Variants in LRRC27 observed in about 807,000 individuals in gnomAD.
The protein encoded by LRRC27 is leucine-rich repeat-containing protein 27.
In LRRC27, 57 loss-of-function variants were observed where a neutral mutation model predicts 55.0. That is an observed-to-expected ratio of 1.04 (90% CI 0.84 to 1.29). LRRC27 has a LOEUF of 1.29. Ranked by LOEUF, LRRC27 falls within the 50% of genes most tolerant of loss-of-function variation. The pLI is 0.00. For missense variants in LRRC27, 721 were observed against 651.5 expected, an observed-to-expected ratio of 1.11 and a Z score of -1.16; for synonymous variants, 278 against 251.9, an observed-to-expected ratio of 1.10 and a Z score of -0.98.
chr10:132,347,881 G>A (rs2067797595), intron 5 of LRRC27, 103 bp from the exon 6 acceptor site: 1 of 1,412,002 alleles, frequency 7.1e-7, no homozygotes, highest in African/African-American at 1.4e-5. Context: ...TGGAGGATCT[G>A]GGCACCCCAC....
Position 132,364,536 on chromosome 10 carries a change from TAAATCTACCTCC to T in LRRC27, c.1290-886_1290-875del, listed in dbSNP as rs1424970811. ...CCACACTCGCACTTACACCCACACTTAAATCTACCTCCACACCCACACTTACACCCACGTCCA... is the reference window on the plus strand; with the variant it reads ...CCACACTCGCACTTACACCCACACTTACACCCACACTTACACCCACGTCCA... On this transcript the variant is annotated intron_variant, in intron 9 of 10. Transcript: ENST00000368614. Among the ~76,000 whole-genome samples the T allele has an allele frequency of 2.2e-3, 32 of 14,720 alleles. 4 individuals are homozygous for T. Among genetic ancestry groups the T allele is most frequent in the Non-Finnish European group, 2.1e-3 (14 of 6,758 alleles). 9.7% of individuals were successfully genotyped at this position (14,720 alleles called of 152,430 possible).
At position 132,364,571 on chromosome 10, in the gene LRRC27, C is replaced by G. The variant is rs568989865; in HGVS notation, c.1290-853C>G. On this transcript the variant is annotated intron_variant, in intron 9 of 10. Transcript: ENST00000368614. The stretch of plus-strand genomic sequence containing the variant: ...TCCACACCCACACTTACACCCACGT[C>G]CACACCCTGGGGCCCCACACTCAGG... Among the ~76,000 whole-genome samples, 10 of 11,544 alleles carry G rather than the reference C, an allele frequency of 8.7e-4. 3 individuals are homozygous for G. The highest frequency in any genetic ancestry group is 4.8e-3 in the South Asian group (1 of 210). The allele number at this position is 11,544 out of a possible 152,430, so 7.6% of individuals were successfully genotyped here. A position where few individuals can be genotyped will look rare whatever the true frequency, so the allele number is the denominator to read the frequency against.
At chr10:132,367,292 A>C (rs7089456) in intron 10 of LRRC27, among the ~76,000 whole-genome samples, 4,915 of 152,324 alleles carry the variant, frequency 0.032, 249 homozygotes, top group African/African-American at 0.11. Flanking sequence ...AGAAGTGTTC[A>C]CTGGTGAATT....
chr10:132,343,493 T>C (rs939416743), intron 4 of LRRC27, among the ~76,000 whole-genome samples: 3 of 152,186 alleles, frequency 2.0e-5, no homozygotes, highest in African/African-American at 7.2e-5. Context: ...AAGAAGGAGT[T>C]TGGGTGTGTT....
intron 8 of LRRC27, among the ~76,000 whole-genome samples, chr10:132,358,187 A>C (rs1389361066): frequency 6.6e-6 from 1 of 152,256 alleles, no homozygotes; most frequent in Non-Finnish European, 1.5e-5. Context: ...CAGGCAGTCC[A>C]CAGAAGAGGA....
At chr10:132,342,016 G>A (rs1017995350) in intron 3 of LRRC27, among the ~76,000 whole-genome samples, 197 bp from the exon 4 acceptor site, 1 of 152,220 alleles carries the variant, frequency 6.6e-6, no homozygotes, top group Non-Finnish European at 1.5e-5. Flanking sequence ...CTGGTCCCAT[G>A]TGTCAGCGGT....
At chr10:132,335,482 G>C (rs201040217) in intron 2 of LRRC27, among the ~76,000 whole-genome samples, 4 of 151,732 alleles carry the variant, frequency 2.6e-5, no homozygotes, top group East Asian at 1.9e-4. Flanking sequence ...CTATGGGGGG[G>C]GGTCACAGTC....
intron 8 of LRRC27, among the ~76,000 whole-genome samples, chr10:132,356,843 A>G (rs1327050924): frequency 1.3e-5 from 2 of 152,272 alleles, no homozygotes; most frequent in Non-Finnish European, 2.9e-5. Context: ...ATAGTCAGGC[A>G]AATGTGCTGT....
chr10:132,356,890 C>G lies in LRRC27; in HGVS notation c.1170+1004C>G, dbSNP rs544994101. ...ATAGATGTTTCTTTGGTGCTTTCTT[C>G]TAAGAGATGCTCCCTGTGTGTTACT... On this transcript the variant is annotated intron_variant, in intron 8 of 10. Transcript: ENST00000368614. 2.0e-5 allele frequency among the ~76,000 whole-genome samples: 3 copies of G among 152,366 alleles called. No individual in the cohort carries two copies. The South Asian group carries it at 6.2e-4, about 32-fold the overall frequency.
At chr10:132,371,826 G>T (rs1255684847) in intron 10 of LRRC27, among the ~76,000 whole-genome samples, 1 of 152,348 alleles carries the variant, frequency 6.6e-6, no homozygotes, top group South Asian at 2.1e-4. Flanking sequence ...GGTGGAGGCC[G>T]TGGGCCAGGG....
intron 5 of LRRC27, among the ~76,000 whole-genome samples, chr10:132,347,647 C>G (rs1451362047): frequency 6.8e-6 from 1 of 146,052 alleles, no homozygotes; most frequent in African/African-American, 2.6e-5. Context: ...TCAGTGGGGC[C>G]TGGTGGGGCC....
At chr10:132,341,518 C>T (rs1163830060) in intron 3 of LRRC27, among the ~76,000 whole-genome samples, 1 of 151,972 alleles carries the variant, frequency 6.6e-6, no homozygotes, top group Non-Finnish European at 1.5e-5. Flanking sequence ...CTTTCCTGTC[C>T]GTCTGTCTAG....
rs1270744619 is a variant in LRRC27 at position 132,375,249 on chromosome 10, G to C, written c.*7G>C. 6.2e-7 allele frequency: 1 copy of C among 1,608,746 alleles called. No individual in the cohort carries two copies. Among genetic ancestry groups the C allele is most frequent in the Non-Finnish European group, 8.5e-7 (1 of 1,176,450 alleles). On this transcript the variant is annotated 3_prime_UTR_variant, in exon 11 of 11. Coordinates refer to ENST00000368614, the MANE Select transcript of LRRC27 (RefSeq NM_030626.3). ...TGTTCGCAGATACCAGTGACACCAGGTGGCTGGACTGATGGAGACGTCTTC... is the reference window on the plus strand; with the variant it reads ...TGTTCGCAGATACCAGTGACACCAGCTGGCTGGACTGATGGAGACGTCTTC...
At chr10:132,331,302 C>T (rs2066718287), upstream of LRRC27, 5 of 851,116 alleles carry the variant, frequency 5.9e-6, no homozygotes, top group Non-Finnish European at 8.7e-6. Flanking sequence ...TGCTACTTTT[C>T]ATTATCAGTT....
chr10:132,331,379 G>A (rs2066726057), upstream of LRRC27: 4 of 1,532,688 alleles, frequency 2.6e-6, no homozygotes, highest in African/African-American at 2.7e-5. Flanking sequence ...CTCCCCTCCC[G>A]CCCGGTGTCA....
Position 132,377,818 on chromosome 10 carries a change from G to A in LRRC27, c.*2576G>A, listed in dbSNP as rs1373196802. ...GCACAGGACAGAATTCTAGGTGGAT[G>A]ATTTTTGCCATTCCCAGAACTTTAA... On this transcript the variant is annotated 3_prime_UTR_variant, in exon 11 of 11. Transcript: ENST00000368614. 1.3e-5 allele frequency: 2 copies of A among 152,214 alleles called. No individual in the cohort carries two copies. Among genetic ancestry groups the A allele is most frequent in the Non-Finnish European group, 2.9e-5 (2 of 68,054 alleles). 9.4% of individuals were successfully genotyped at this position (152,214 alleles called of 1,614,324 possible).
intron 9 of LRRC27, 134 bp from the exon 10 acceptor site, chr10:132,365,289 CA>C: frequency 1.6e-6 from 2 of 1,217,096 alleles, no homozygotes; most frequent in South Asian, 1.2e-5. Flanking sequence ...GTAACTGGCA[CA>C]GCTGTGCGGG....
At position 132,375,072 on chromosome 10, in the gene LRRC27, G is replaced by C; in HGVS notation, c.1423G>C (p.Glu475Gln). The C allele has an allele frequency of 6.2e-7, 1 of 1,612,322 alleles. No individual in the cohort carries two copies. Among genetic ancestry groups the C allele is most frequent in the Non-Finnish European group, 8.5e-7 (1 of 1,179,010 alleles). ...KAAEDLEIAT[E>Q]LQDEVLKLKL... is the part of the protein sequence containing the mutation. ...CCTCCTTGTCTCCCATAAGGCCACAGAGCTACAGGATGAAGTATTGAAGCT... is the reference window on the plus strand; with the variant it reads ...CCTCCTTGTCTCCCATAAGGCCACACAGCTACAGGATGAAGTATTGAAGCT... Residue 475 changes from glutamate to glutamine, a missense_variant, in exon 11 of 11, where the codon GAG becomes CAG. Physicochemically the swap from Glu to Gln is conservative, Grantham distance 29 (BLOSUM62 2). Transcript: ENST00000368614.
At chr10:132,366,920 C>G (rs545924848) in intron 10 of LRRC27, 3 of 1,284,806 alleles carry the variant, frequency 2.3e-6, no homozygotes, top group Non-Finnish European at 3.0e-6. Flanking sequence ...CAACCTGACT[C>G]GGACCCCACT....
Sources: allele counts gnomAD v4.1 joint callset (sites outside exome capture counted in the v4.1 genomes callset), GRCh38; gene constraint gnomAD v4.1.1; transcripts MANE v1.5; gene names NCBI Gene and HGNC (gene_info 2026-07-23, HGNC 2026-07-21).